The following AEBP2 variants were observed in gnomAD, a reference collection of about 807,000 sequenced individuals.
The protein encoded by AEBP2 is AE binding protein 2.
Under a neutral mutation model 50.8 loss-of-function variants are expected in AEBP2, and 10 were observed. The observed-to-expected ratio is 0.20, with a 90% confidence interval of 0.12 to 0.33. The LOEUF is 0.33. Among genes scored for constraint, AEBP2 ranks in the 10% least tolerant of loss-of-function variants. The pLI is 1.00. For synonymous variants in AEBP2, 296 were observed against 261.3 expected (o/e 1.13, Z -1.28); for missense variants, 570 against 688.0 (o/e 0.83, Z 1.92).
At chr12:19,446,419 C>T (rs1322120237) in intron 1 of AEBP2, among the ~76,000 whole-genome samples, 1 of 152,090 alleles carries the variant, frequency 6.6e-6, no homozygotes, top group Non-Finnish European at 1.5e-5. Flanking sequence ...CGAGACCAGC[C>T]AGGACAGTGT....
chr12:19,486,659 G>A (rs893507607), intron 3 of AEBP2, among the ~76,000 whole-genome samples: 1 of 151,960 alleles, frequency 6.6e-6, no homozygotes, highest in Non-Finnish European at 1.5e-5. Context: ...CTGGCATTAC[G>A]GGCATGAGGC....
At chr12:19,505,344 G>T (rs1475215973) in intron 5 of AEBP2, among the ~76,000 whole-genome samples, 1 of 152,194 alleles carries the variant, frequency 6.6e-6, no homozygotes, top group African/African-American at 2.4e-5. Flanking sequence ...ATATTAAGGT[G>T]ATCATTAAAT....
In AEBP2 at chr12:19,409,071, G is replaced by A. The variant is rs148354949; in HGVS notation, c.-17+4855G>A. On this transcript the variant is annotated intron_variant, in intron 1 of 3. Transcript: ENST00000538425. ...TTGGCATAGAATCGGGGAAAAATTG[G>A]GCAAAGGAAGTCAGGTACCCCCAAA... Among the ~76,000 whole-genome samples, 39 of 151,876 alleles carry A rather than the reference G, an allele frequency of 2.6e-4. No homozygotes were observed. In the East Asian group the frequency reaches 7.1e-3, roughly 28 times the overall value.
chr12:19,440,659 T>C, intron 1 of AEBP2: 3 of 1,531,446 alleles, frequency 2.0e-6, no homozygotes, highest in Non-Finnish European at 2.6e-6. Flanking sequence ...TCGGAAACAG[T>C]CCCCAAACGG....
chr12:19,480,847 G>A (rs1948717103), intron 3 of AEBP2, among the ~76,000 whole-genome samples: 4 of 152,116 alleles, frequency 2.6e-5, no homozygotes, highest in Admixed American at 2.6e-4. Flanking sequence ...AGCAAGGCCA[G>A]GGAAGTTTTC....
intron 3 of AEBP2, among the ~76,000 whole-genome samples, chr12:19,477,171 G>A (rs1341958837): frequency 1.3e-5 from 2 of 152,132 alleles, no homozygotes; most frequent in Non-Finnish European, 2.9e-5. Flanking sequence ...TATCCTGAAA[G>A]TTTACTGAAT....
intron 1 of AEBP2, among the ~76,000 whole-genome samples, chr12:19,449,869 G>A (rs1249903558): frequency 6.6e-6 from 1 of 152,098 alleles, no homozygotes; most frequent in Non-Finnish European, 1.5e-5. Context: ...TTTACTACGT[G>A]CAAGGCTCTA....
intron 1 of AEBP2, among the ~76,000 whole-genome samples, chr12:19,458,440 T>C (rs1948312275): frequency 6.6e-6 from 1 of 152,204 alleles, no homozygotes; most frequent in African/African-American, 2.4e-5. Flanking sequence ...TCACCTTGTC[T>C]GCCATTGTAT....
chr12:19,512,537 ATTAT>A, intron 6 of AEBP2, 72 bp downstream of exon 6: 2 of 963,064 alleles, frequency 2.1e-6, no homozygotes, highest in South Asian at 1.7e-5. Flanking sequence ...ACACACAAAA[ATTAT>A]TTATTAAATT....
chr12:19,511,615 C>A (rs1949233457), intron 5 of AEBP2, among the ~76,000 whole-genome samples: 1 of 151,990 alleles, frequency 6.6e-6, no homozygotes, highest in South Asian at 2.1e-4. Context: ...TTGAGGAGGT[C>A]CAGAAGAATG....
At chr12:19,499,598 A>C (rs1949036230) in intron 4 of AEBP2, among the ~76,000 whole-genome samples, 1 of 145,326 alleles carries the variant, frequency 6.9e-6, no homozygotes, top group African/African-American at 2.6e-5. Flanking sequence ...TGGGTGAAGG[A>C]GTGAGACTCT....
chr12:19,507,748 C>CT (rs1231537842), intron 5 of AEBP2, among the ~76,000 whole-genome samples: 2 of 152,086 alleles, frequency 1.3e-5, no homozygotes, highest in Non-Finnish European at 2.9e-5. Context: ...AGGAAAGGAG[C>CT]TAGGTGAGCA....
intron 2 of AEBP2, among the ~76,000 whole-genome samples, chr12:19,465,781 A>G (rs184995548): frequency 4.8e-3 from 668 of 138,504 alleles, no homozygotes; most frequent in Non-Finnish European, 7.3e-3. Flanking sequence ...GGCTTTTGTG[A>G]TTGTTTTTTC....
At chr12:19,421,205 G>A (rs549367025) in intron 1 of AEBP2, among the ~76,000 whole-genome samples, 6 of 151,820 alleles carry the variant, frequency 4.0e-5, no homozygotes, top group East Asian at 3.9e-4. Flanking sequence ...TTAGCTGGGC[G>A]TAGTGCTGGA....
chr12:19,439,533 G>C lies in AEBP2; in HGVS notation c.-167G>C, dbSNP rs1565701631. 3 of 888,682 alleles carry C rather than the reference G, an allele frequency of 3.4e-6. No homozygotes were observed. Among genetic ancestry groups the C allele is most frequent in the Non-Finnish European group, 3.2e-6 (2 of 622,260 alleles). The allele number at this position is 888,682 out of a possible 1,614,324, so 55.0% of individuals were successfully genotyped here. On this transcript the variant is annotated 5_prime_UTR_variant, in exon 1 of 8. Coordinates refer to ENST00000266508, the MANE Select transcript of AEBP2 (RefSeq NM_153207.5). Reference sequence around the variant, plus strand: ...CGCGTAGTCGCGCGCCTGTCCCCGCGCGGGCTCCGTAGCGCGTGTGCAGGC... The same window carrying C: ...CGCGTAGTCGCGCGCCTGTCCCCGCCCGGGCTCCGTAGCGCGTGTGCAGGC...
chr12:19,505,617 C>T (rs1411029462), intron 5 of AEBP2, among the ~76,000 whole-genome samples: 2 of 152,118 alleles, frequency 1.3e-5, no homozygotes, highest in South Asian at 2.1e-4. Flanking sequence ...GAGTAGGCAG[C>T]GTAGCTGGAG....
Position 19,440,183 on chromosome 12 carries a change from A to C in AEBP2, c.484A>C (p.Lys162Gln). The change falls in exon 1 of 8, where the codon AAG (lysine) becomes CAG (glutamine). Residue 162 changes from lysine to glutamine, a missense_variant. Lys to Gln is a moderately conservative substitution (Grantham distance 53). Coordinates refer to ENST00000266508, the MANE Select transcript of AEBP2 (RefSeq NM_153207.5). ...CGGCAAGGAGGGCCTGGAGGAGCCC[A>C]AGGGACCGCGGGGCAGCCAGGGCGG... ...GDGKEGLEEP[K>Q]GPRGSQGGGG... is the part of the protein sequence containing the mutation. 4 of 1,467,202 alleles carry C rather than the reference A, an allele frequency of 2.7e-6. No homozygotes were observed. The highest frequency in any genetic ancestry group is 3.6e-6 in the Non-Finnish European group (4 of 1,121,002). 90.9% of individuals were successfully genotyped at this position (1,467,202 alleles called of 1,614,324 possible). A position where few individuals can be genotyped will look rare whatever the true frequency, so the allele number is the denominator to read the frequency against.
At chr12:19,517,985 C>A in intron 7 of AEBP2, 102 bp from the exon 8 acceptor site, 2 of 1,035,688 alleles carry the variant, frequency 1.9e-6, no homozygotes, top group Non-Finnish European at 1.4e-6. Context: ...AATCTATGAT[C>A]ATCACATTGC....
intron 5 of AEBP2, among the ~76,000 whole-genome samples, chr12:19,505,660 G>A (rs934793394): frequency 5.3e-5 from 8 of 152,242 alleles, no homozygotes; most frequent in African/African-American, 1.9e-4. Context: ...TAGGAGTTAA[G>A]TTTGAGAGGT....
Sources: allele counts gnomAD v4.1 joint callset (sites outside exome capture counted in the v4.1 genomes callset), GRCh38; gene constraint gnomAD v4.1.1; transcripts MANE v1.5; gene names NCBI Gene and HGNC (gene_info 2026-07-23, HGNC 2026-07-21).